Variants in ZMIZ2 observed in about 807,000 individuals in gnomAD.
ZMIZ2 encodes the protein zinc finger MIZ-type containing 2.
A neutral mutation model predicts 93.9 loss-of-function variants in ZMIZ2; 26 were observed. The ratio of observed to expected loss-of-function variants is 0.28; its 90% confidence interval spans 0.20 to 0.38. ZMIZ2 has a LOEUF of 0.38. Ranked by LOEUF, ZMIZ2 falls within the 10% of genes least tolerant of loss-of-function variation. The probability of loss-of-function intolerance (pLI) is 1.00; values close to 1 mark genes in which losing one functional copy is unlikely to be tolerated. For synonymous variants in ZMIZ2, 485 were observed against 516.4 expected, an observed-to-expected ratio of 0.94 and a Z score of 0.82; for missense variants, 1,023 against 1,235.0, an observed-to-expected ratio of 0.83 and a Z score of 2.57.
At position 44,769,799 on chromosome 7, in the gene ZMIZ2, A is replaced by T. The variant is rs1792017585; in HGVS notation, c.*2176A>T. 3 of 152,278 alleles carry T rather than the reference A, an allele frequency of 2.0e-5. 1 individual carries two copies. In the South Asian group the frequency reaches 6.2e-4, roughly 31 times the overall value. 9.4% of individuals were successfully genotyped at this position (152,278 alleles called of 1,614,324 possible). On this transcript the variant is annotated 3_prime_UTR_variant, in exon 19 of 19. Transcript: ENST00000309315. ...CACCGTGGCCCTGTGCTCCATCACA[A>T]ACACCTCTCAGAAACAACGTGGGAT...
rs1386496457 is a variant in ZMIZ2 at position 44,756,539 on chromosome 7, G to C, written c.165G>C (p.Gln55His). 4 of 1,613,836 alleles carry C rather than the reference G, an allele frequency of 2.5e-6. No individual in the cohort carries two copies. Among genetic ancestry groups the C allele is most frequent in the Non-Finnish European group, 3.4e-6 (4 of 1,180,016 alleles). Residue 55 changes from glutamine to histidine, a missense_variant and splice_region_variant, in exon 3 of 19, where the codon CAG becomes CAC. Transcript: ENST00000309315. ...VWGVGNATQS[Q>H]VLGNPMGPAG... is the part of the protein sequence containing the mutation. ...GAGTTGGCAACGCGACACAGAGCCA[G>C]GTAAGCACCCACTGGTGCCCCACCC...
At chr7:44,762,815 C>A in intron 11 of ZMIZ2, 66 bp from the exon 12 acceptor site, 1 of 1,432,632 alleles carries the variant, frequency 7.0e-7, no homozygotes, top group Non-Finnish European at 9.5e-7. Context: ...CCCAGCACAC[C>A]CTTTACCTGG....
In ZMIZ2 at chr7:44,766,146, C is replaced by T; in HGVS notation, c.2243-18C>T. ...GCCTTCCCCAGCCCTCACCCAGGCC[C>T]CGACTCTCCTCTCACAGGTTCCAGC... is the stretch of plus-strand genomic sequence containing the variant. On this transcript the variant is annotated intron_variant, in intron 16 of 18. Transcript: ENST00000309315. This position sits in a 1 kb window ranked among gnomAD's most constrained non-coding sequence, Gnocchi z 4.4. The T allele has an allele frequency of 6.2e-7, 1 of 1,605,206 alleles. No homozygotes were observed. Among genetic ancestry groups the T allele is most frequent in the Middle Eastern group, 1.7e-4 (1 of 6,040 alleles).
Position 44,757,899 on chromosome 7 carries a change from C to G in ZMIZ2, c.604C>G (p.Arg202Gly), listed in dbSNP as rs908668862. The G allele has an allele frequency of 6.2e-7, 1 of 1,605,106 alleles. No homozygotes were observed. Among genetic ancestry groups the G allele is most frequent in the Non-Finnish European group, 8.5e-7 (1 of 1,175,424 alleles). ...NSQFLQHGGP[R>G]GPSVPAGMNP... ...CCAGTTTCTGCAGCATGGAGGTCCC[C>G]GGGGGCCTAGTGTCCCCGCTGGCAT... The change falls in exon 6 of 19, where the codon CGG becomes GGG. Residue 202 changes from arginine to glycine, a missense_variant. Physicochemically the swap from Arg to Gly is moderately radical, Grantham distance 125 (BLOSUM62 -2). Coordinates refer to ENST00000309315, the MANE Select transcript of ZMIZ2 (RefSeq NM_031449.4).
chr7:44,755,527 G>T (rs140593671), intron 1 of ZMIZ2, among the ~76,000 whole-genome samples: 59 of 152,286 alleles, frequency 3.9e-4, no homozygotes, highest in Non-Finnish European at 8.1e-4. Context: ...GCTAGCCAGA[G>T]CCCAGGTTAC....
chr7:44,767,604 C>T lies in ZMIZ2; in HGVS notation c.2744C>T (p.Ser915Phe), dbSNP rs770369265. The part of the protein sequence containing the change: ...LPTNNNDDLL[S>F]LFENN ...ACGAACAACAATGACGACCTGCTTT[C>T]TCTGTTTGAGAACAACTGATCCTGT... Residue 915 changes from serine to phenylalanine, a missense_variant, in exon 19 of 19, where the codon TCT becomes TTT. Ser to Phe is a radical substitution (Grantham distance 155). Transcript: ENST00000309315. 10 of 1,614,158 alleles carry T rather than the reference C, an allele frequency of 6.2e-6. No individual in the cohort carries two copies. Among genetic ancestry groups the T allele is most frequent in the Non-Finnish European group, 8.5e-6 (10 of 1,180,004 alleles).
chr7:44,766,462 G>A lies in ZMIZ2; in HGVS notation c.2454G>A (p.Gly818=), dbSNP rs201654010. The A allele has an allele frequency of 1.9e-6, 3 of 1,614,044 alleles. No homozygotes were observed. The highest frequency in any genetic ancestry group is 2.2e-5 in the South Asian group (2 of 91,082). The part of the protein sequence containing the change: ...AGHLDPTHNP[G]TPGLHTSNLG... The stretch of plus-strand genomic sequence containing the variant: ...ACCTGGACCCCACTCACAATCCTGG[G>A]ACACCAGGACTACACACCTCCAACC... The change falls in exon 18 of 19, where the codon GGG becomes GGA. Residue 818 remains glycine, a synonymous_variant. Transcript: ENST00000309315. The surrounding 1 kb of genome is among the most constrained non-coding windows in gnomAD (Gnocchi z 4.4).
rs1211786112 is a variant in ZMIZ2, at chr7:44,760,746, T to G, written c.1240+153T>G. ...GGCTGGGTGTGGTGGCTCACACTTG[T>G]AATCCCAGCACCTTCGGAGGCTGAG... is the stretch of plus-strand genomic sequence containing the variant. On this transcript the variant is annotated intron_variant, in intron 9 of 18. Transcript: ENST00000309315. Among the ~76,000 whole-genome samples, 3 of 151,470 alleles carry G rather than the reference T, an allele frequency of 2.0e-5. No homozygotes were observed. In the East Asian group the frequency reaches 5.8e-4, roughly 29 times the overall value.
rs1323650197 is a variant in ZMIZ2 at position 44,764,389 on chromosome 7, G to GA, written c.1861-27dup. ...ATTTTCCCTGTGCTACCCACAATGA[G>GA]AAACTGACTTTCTTCCCATCTCTCT... On this transcript the variant is annotated intron_variant, in intron 13 of 18. Coordinates refer to ENST00000309315, the MANE Select transcript of ZMIZ2 (RefSeq NM_031449.4). The GA allele has an allele frequency of 3.7e-6, 6 of 1,612,152 alleles. No homozygotes were observed. The East Asian group carries it at 1.3e-4, about 36-fold the overall frequency.
chr7:44,765,818 C>A lies in ZMIZ2; in HGVS notation c.2242+239C>A. The A allele has an allele frequency of 9.5e-7, 1 of 1,050,576 alleles. No homozygotes were observed. 65.1% of individuals were successfully genotyped at this position (1,050,576 alleles called of 1,614,324 possible). A position where few individuals can be genotyped will look rare whatever the true frequency, so the allele number is the denominator to read the frequency against. On this transcript the variant is annotated intron_variant, in intron 16 of 18. Coordinates refer to ENST00000309315, the MANE Select transcript of ZMIZ2 (RefSeq NM_031449.4). This position sits in a 1 kb window ranked among gnomAD's most constrained non-coding sequence, Gnocchi z 4.1. ...ACAGACAGTGGGGCCTCCACCCTTC[C>A]TTCCCCGTTTGGATTAAGGGGCTCC...
At chr7:44,749,313 G>T (rs1351127689) in intron 1 of ZMIZ2, among the ~76,000 whole-genome samples, 1 of 152,086 alleles carries the variant, frequency 6.6e-6, no homozygotes, top group Non-Finnish European at 1.5e-5. Context: ...TGTAAGCGGC[G>T]CTCGGGGTTC....
In ZMIZ2 at chr7:44,763,183, T is replaced by G; in HGVS notation, c.1703-73T>G. 6.4e-7 allele frequency: 1 copy of G among 1,573,894 alleles called. No individual in the cohort carries two copies. Among genetic ancestry groups the G allele is most frequent in the Non-Finnish European group, 8.7e-7 (1 of 1,155,410 alleles). ...GTGGGTCAGTGACTGGGTCCCTGCCTCGTTGGCATCCCCATTCACACCTCC... is the reference window on the plus strand; with the variant it reads ...GTGGGTCAGTGACTGGGTCCCTGCCGCGTTGGCATCCCCATTCACACCTCC... On this transcript the variant is annotated intron_variant, in intron 12 of 18. Transcript: ENST00000309315. This position sits in a 1 kb window ranked among gnomAD's most constrained non-coding sequence, Gnocchi z 5.6.
At position 44,761,917 on chromosome 7, in the gene ZMIZ2, G is replaced by C; in HGVS notation, c.1596+12G>C. ...CCGCCTGCTGCTGCGTGCGTGTCCT[G>C]CGCCGAGGGGGCGGTGCTGTGGCGT... On this transcript the variant is annotated intron_variant, in intron 11 of 18. Transcript: ENST00000309315. The surrounding 1 kb of genome is among the most constrained non-coding windows in gnomAD (Gnocchi z 5.8). 1 of 1,608,354 alleles carries C rather than the reference G, an allele frequency of 6.2e-7. No individual in the cohort carries two copies. The highest frequency in any genetic ancestry group is 1.1e-5 in the South Asian group (1 of 90,970).
In ZMIZ2 at chr7:44,757,769, G is replaced by A; in HGVS notation, c.553-79G>A. ...GAAAGGGTATGGTGCCCACATGGGT[G>A]GGTGGGCGGGTTTTATGCCTATCTT... On this transcript the variant is annotated intron_variant, in intron 5 of 18. Transcript: ENST00000309315. 2.0e-6 allele frequency: 3 copies of A among 1,492,194 alleles called. 1 individual carries two copies. The highest frequency in any genetic ancestry group is 2.7e-6 in the Non-Finnish European group (3 of 1,119,214). The allele number at this position is 1,492,194 out of a possible 1,614,324, so 92.4% of individuals were successfully genotyped here. A position where few individuals can be genotyped will look rare whatever the true frequency, so the allele number is the denominator to read the frequency against.
rs1790600333 is a variant in ZMIZ2 at position 44,756,467 on chromosome 7, C to T, written c.93C>T (p.Ser31=). ...ATGAGTCTGTGCCTTGGCAACAAAGCGCCACTCAGCCGGCTGGATCGCTGT... is the reference window on the plus strand; with the variant it reads ...ATGAGTCTGTGCCTTGGCAACAAAGTGCCACTCAGCCGGCTGGATCGCTGT... ...FAYESVPWQQ[S]ATQPAGSLSV... Residue 31 remains serine, a synonymous_variant, in exon 3 of 19, where the codon AGC becomes AGT. Coordinates refer to ENST00000309315, the MANE Select transcript of ZMIZ2 (RefSeq NM_031449.4). The T allele has an allele frequency of 4.3e-6, 7 of 1,614,076 alleles. No individual in the cohort carries two copies. Among genetic ancestry groups the T allele is most frequent in the South Asian group, 1.1e-5 (1 of 91,084 alleles).
Position 44,761,834 on chromosome 7 carries a change from C to G in ZMIZ2, c.1525C>G (p.Pro509Ala). 6.2e-7 allele frequency: 1 copy of G among 1,614,108 alleles called. No individual in the cohort carries two copies. The highest frequency in any genetic ancestry group is 1.1e-5 in the South Asian group (1 of 91,092). Residue 509 changes from proline to alanine, a missense_variant, in exon 11 of 19, where the codon CCA becomes GCA. Physicochemically the swap from Pro to Ala is conservative, Grantham distance 27. Transcript: ENST00000309315. This position sits in a 1 kb window ranked among gnomAD's most constrained non-coding sequence, Gnocchi z 5.8. ...TGGCGACAACAAGACCTCGCACAAG[C>G]CACTCTACCTGAAGCATGTGTGCCA... ...ERGDNKTSHK[P>A]LYLKHVCQPG...
chr7:44,756,545 C>T lies in ZMIZ2; in HGVS notation c.165+6C>T. 1 of 1,613,842 alleles carries T rather than the reference C, an allele frequency of 6.2e-7. No homozygotes were observed. Among genetic ancestry groups the T allele is most frequent in the Non-Finnish European group, 8.5e-7 (1 of 1,179,936 alleles). On this transcript the variant is annotated splice_donor_region_variant and intron_variant, in intron 3 of 18. Transcript: ENST00000309315. ...GCAACGCGACACAGAGCCAGGTAAG[C>T]ACCCACTGGTGCCCCACCCCCGAGC... is the stretch of plus-strand genomic sequence containing the variant.
intron 1 of ZMIZ2, among the ~76,000 whole-genome samples, chr7:44,749,555 C>A (rs1460441794): frequency 6.6e-6 from 1 of 152,162 alleles, no homozygotes; most frequent in African/African-American, 2.4e-5. Context: ...ATGGGGACAC[C>A]CCTTTCCAAA....
chr7:44,764,789 G>A, intron 14 of ZMIZ2, 152 bp from the exon 15 acceptor site: 1 of 765,388 alleles, frequency 1.3e-6, no homozygotes, highest in East Asian at 2.7e-5. Context: ...ACCTCACATA[G>A]GGTCAGCTCA....
Sources: allele counts gnomAD v4.1 joint callset (sites outside exome capture counted in the v4.1 genomes callset), GRCh38; gene constraint gnomAD v4.1.1; non-coding constraint Gnocchi (gnomAD v3.1); transcripts MANE v1.5; gene names NCBI Gene and HGNC (gene_info 2026-07-23, HGNC 2026-07-21).